The following PTPRM variants were observed in gnomAD, a reference collection of about 807,000 sequenced individuals.
The protein encoded by PTPRM is receptor-type tyrosine-protein phosphatase mu.
In PTPRM, 47 loss-of-function variants were observed where a neutral mutation model predicts 186.7. The ratio of observed to expected loss-of-function variants is 0.25; its 90% CI spans 0.20 to 0.32. PTPRM has a LOEUF of 0.32. Ranked by LOEUF, PTPRM falls within the 10% of genes least tolerant of loss-of-function variation. The pLI, the probability that PTPRM is intolerant of heterozygous loss-of-function variation, is 1.00. For synonymous variants in PTPRM, 668 were observed against 674.9 expected, an observed-to-expected ratio of 0.99 and a Z score of 0.16; for missense variants, 1,494 against 1,865.0, an observed-to-expected ratio of 0.80 and a Z score of 3.66.
At chr18:8,344,444 GTGTGTATATATATATA>G (rs61368502) in intron 23 of PTPRM, among the ~76,000 whole-genome samples, 42,420 of 129,526 alleles carry the variant, frequency 0.33, 7,241 homozygotes, top group Middle Eastern at 0.52. Context: ...GTGTGTGTGT[GTGTGTATATATATATA>G]TATATATATA....
chr18:7,818,939 A>G lies in PTPRM; in HGVS notation c.196+44668A>G, dbSNP rs146705791. The stretch of plus-strand genomic sequence containing the variant: ...GAGGATTATAGACAGAGCCCTAGAA[A>G]CCTCAGGTGTGAAAAGTGTAATTCT... On this transcript the variant is annotated intron_variant, in intron 2 of 32. Coordinates refer to ENST00000580170, the MANE Select transcript of PTPRM (RefSeq NM_001105244.2). Among the ~76,000 whole-genome samples the G allele has an allele frequency of 4.1e-4, 63 of 152,254 alleles. 1 individual carries two copies. Among genetic ancestry groups the G allele is most frequent in the African/African-American group, 1.5e-3 (62 of 41,550 alleles).
chr18:7,681,843 A>C (rs999927410), intron 1 of PTPRM, among the ~76,000 whole-genome samples: 1 of 152,100 alleles, frequency 6.6e-6, no homozygotes, highest in Admixed American at 6.5e-5. Context: ...AATTGGGTGG[A>C]TATAAGGAGA....
intron 1 of PTPRM, among the ~76,000 whole-genome samples, chr18:7,743,266 A>G (rs1391857464): frequency 2.0e-5 from 3 of 152,228 alleles, no homozygotes; most frequent in Non-Finnish European, 4.4e-5. Context: ...ATCAAATTTA[A>G]TACACTGTTG....
chr18:8,030,315 A>G (rs542870210), intron 7 of PTPRM, among the ~76,000 whole-genome samples: 23 of 152,316 alleles, frequency 1.5e-4, no homozygotes, highest in African/African-American at 5.5e-4. Context: ...GCTGGGTAAC[A>G]AGTAATTGTT....
intron 8 of PTPRM, among the ~76,000 whole-genome samples, chr18:8,071,888 T>A (rs1334515281): frequency 2.6e-5 from 4 of 152,214 alleles, no homozygotes; most frequent in African/African-American, 7.2e-5. Context: ...ACCCTCAATT[T>A]CCTGATCTGA....
At chr18:7,860,710 G>T (rs571521815) in intron 2 of PTPRM, among the ~76,000 whole-genome samples, 86 of 152,312 alleles carry the variant, frequency 5.6e-4, no homozygotes, top group African/African-American at 2.0e-3. Flanking sequence ...TGTCCAGTAT[G>T]CAGGGAAATA....
chr18:7,716,171 C>G (rs1029382868), intron 1 of PTPRM, among the ~76,000 whole-genome samples: 3 of 152,030 alleles, frequency 2.0e-5, no homozygotes, highest in Non-Finnish European at 4.4e-5. Flanking sequence ...ATATATAGAC[C>G]AATGGAACAG....
At chr18:8,100,473 G>A (rs990273420) in intron 11 of PTPRM, among the ~76,000 whole-genome samples, 23 of 152,208 alleles carry the variant, frequency 1.5e-4, no homozygotes, top group Admixed American at 1.0e-3. Flanking sequence ...ACCAAATCTC[G>A]TGCAAACTCA....
At chr18:7,869,852 A>T (rs1215776064) in intron 2 of PTPRM, among the ~76,000 whole-genome samples, 1 of 152,190 alleles carries the variant, frequency 6.6e-6, no homozygotes. Context: ...GTCTGACCAC[A>T]TGATGTTGCT....
chr18:7,989,822 A>G (rs939706082), intron 7 of PTPRM, among the ~76,000 whole-genome samples: 1 of 152,032 alleles, frequency 6.6e-6, no homozygotes, highest in African/African-American at 2.4e-5. Flanking sequence ...CACGGGCCTC[A>G]CCTTTGCTCG....
At chr18:8,352,933 G>T (rs549840915) in intron 23 of PTPRM, among the ~76,000 whole-genome samples, 28 of 152,230 alleles carry the variant, frequency 1.8e-4, no homozygotes, top group South Asian at 1.0e-3. Context: ...GCCTCCCAAA[G>T]TGCTGGGATT....
intron 5 of PTPRM, among the ~76,000 whole-genome samples, chr18:7,933,616 G>A (rs1018623817): frequency 6.6e-6 from 1 of 152,154 alleles, no homozygotes; most frequent in Admixed American, 6.5e-5. Context: ...TTGTCACATA[G>A]CAAAATGCTC....
At chr18:7,805,336 T>G (rs2044180911) in intron 2 of PTPRM, among the ~76,000 whole-genome samples, 2 of 152,226 alleles carry the variant, frequency 1.3e-5, no homozygotes, top group African/African-American at 2.4e-5. Flanking sequence ...TCATTTCTTC[T>G]CTAGCAGTTT....
chr18:8,272,074 G>A (rs1431406927), intron 19 of PTPRM, among the ~76,000 whole-genome samples: 6 of 151,828 alleles, frequency 4.0e-5, no homozygotes, highest in East Asian at 1.9e-4. Context: ...TTAGCTGGGC[G>A]TGGTGGTGGG....
intron 1 of PTPRM, among the ~76,000 whole-genome samples, chr18:7,703,559 A>C (rs1046902399): frequency 3.9e-5 from 6 of 152,192 alleles, no homozygotes; most frequent in Non-Finnish European, 4.4e-5. Flanking sequence ...TTATCAGCTT[A>C]AGGAGATTTT....
intron 15 of PTPRM, among the ~76,000 whole-genome samples, chr18:8,245,747 C>A (rs905319477): frequency 6.6e-6 from 1 of 152,192 alleles, no homozygotes. Context: ...TCCAAATCTT[C>A]TATTTCATGG....
At chr18:7,952,779 G>A (rs1258067387) in intron 6 of PTPRM, among the ~76,000 whole-genome samples, 1 of 152,174 alleles carries the variant, frequency 6.6e-6, no homozygotes, top group East Asian at 1.9e-4. Flanking sequence ...GCCGAGGCTG[G>A]CAGATCACTT....
chr18:8,233,483 C>T (rs1444273314), intron 14 of PTPRM, among the ~76,000 whole-genome samples: 3 of 152,170 alleles, frequency 2.0e-5, no homozygotes, highest in Non-Finnish European at 4.4e-5. Context: ...ATCAAGGTCT[C>T]TGGCCCATTT....
rs111874065 is a variant in PTPRM, at chr18:8,280,806, C to T, written c.2755-15562C>T. On this transcript the variant is annotated intron_variant, in intron 19 of 32. Transcript: ENST00000580170. Reference sequence around the variant, plus strand: ...GGCTGTGCAGTGATTAAAAGAATCCCGCAACCAGCACCCTGCACCTGCCTG... The same window carrying T: ...GGCTGTGCAGTGATTAAAAGAATCCTGCAACCAGCACCCTGCACCTGCCTG... 5.5e-3 allele frequency among the ~76,000 whole-genome samples: 830 copies of T among 152,194 alleles called. 2 individuals carry two copies. Among genetic ancestry groups the T allele is most frequent in the East Asian group, 0.014 (73 of 5,174 alleles).
Sources: allele counts gnomAD v4.1 joint callset (sites outside exome capture counted in the v4.1 genomes callset), GRCh38; gene constraint gnomAD v4.1.1; transcripts MANE v1.5; gene names NCBI Gene and HGNC (gene_info 2026-07-23, HGNC 2026-07-21).